SEMA3A: variants seen among roughly 807,000 people sequenced by gnomAD.
SEMA3A encodes semaphorin-3A.
Under a neutral mutation model 97.9 loss-of-function variants are expected in SEMA3A, and 29 were observed. The ratio of observed to expected loss-of-function variants is 0.30; its 90% CI spans 0.22 to 0.40. The LOEUF (loss-of-function observed/expected upper bound fraction) is 0.40, where lower values mean the gene tolerates loss of function less well. SEMA3A is among the 10% of genes least tolerant of loss of function. The probability of loss-of-function intolerance (pLI) is 1.00; values close to 1 mark genes in which losing one functional copy is unlikely to be tolerated. For missense variants in SEMA3A, 763 were observed against 951.3 expected (o/e 0.80, Z 2.60); for synonymous variants, 321 against 323.7 (o/e 0.99, Z 0.09).
intron 2 of SEMA3A, among the ~76,000 whole-genome samples, chr7:84,360,101 A>ACG (rs1802676111): frequency 6.6e-6 from 1 of 151,506 alleles, no homozygotes; most frequent in African/African-American, 2.4e-5. Context: ...TCCTGGTTTC[A>ACG]TTGATTTTTT....
At chr7:84,186,871 C>T (rs1017969155) in intron 1 of SEMA3A, among the ~76,000 whole-genome samples, 2 of 152,140 alleles carry the variant, frequency 1.3e-5, no homozygotes, top group African/African-American at 4.8e-5. Flanking sequence ...CTCTCCCACC[C>T]TCTCAATCAG....
chr7:84,196,379 CTCTG>C (rs1185300304), upstream of SEMA3A, among the ~76,000 whole-genome samples: 40 of 146,238 alleles, frequency 2.7e-4, no homozygotes, highest in Admixed American at 1.1e-3. Context: ...CTCTCTCTCT[CTCTG>C]TCTCTCCCTC....
intron 1 of SEMA3A, among the ~76,000 whole-genome samples, chr7:84,142,257 C>T (rs529373240): frequency 6.6e-6 from 1 of 152,068 alleles, no homozygotes; most frequent in Non-Finnish European, 1.5e-5. Context: ...AACACGTAGA[C>T]CTTGGCTAAA....
chr7:84,408,957 T>A (rs1804184996), intron 1 of SEMA3A, among the ~76,000 whole-genome samples: 1 of 151,666 alleles, frequency 6.6e-6, no homozygotes, highest in African/African-American at 2.4e-5. Flanking sequence ...TGACAAGTTA[T>A]TGGGTGCAGC....
At position 84,007,405 on chromosome 7, in the gene SEMA3A, T is replaced by C. The variant is rs183648780; in HGVS notation, c.1088A>G (p.Asn363Ser). The change falls in exon 10 of 17, where the codon AAC becomes AGC. Residue 363 changes from asparagine (N) to serine (S), a missense_variant. By Grantham distance (46) the Asn-to-Ser change is conservative. This residue lies in a region of SEMA3A where 678 missense variants were observed against 881.3 expected (regional missense o/e 0.77). Transcript: ENST00000265362. Reference protein sequence around the residue: ...LGPYAHRDGPNYQWVPYQGRV... With the variant: ...LGPYAHRDGPSYQWVPYQGRV... Reference sequence around the variant, plus strand: ...TCCTTGATAAGGCACCCATTGATAGTTGGGTCCATCCCTGTGGGCATATGG... The same window carrying C: ...TCCTTGATAAGGCACCCATTGATAGCTGGGTCCATCCCTGTGGGCATATGG... 6.2e-7 allele frequency: 1 copy of C among 1,609,982 alleles called. No individual in the cohort carries two copies. The highest frequency in any genetic ancestry group is 2.2e-5 in the East Asian group (1 of 44,532).
chr7:84,246,484 A>G (rs1799479672), intron 3 of SEMA3A, among the ~76,000 whole-genome samples: 1 of 152,212 alleles, frequency 6.6e-6, no homozygotes, highest in Non-Finnish European at 1.5e-5. Context: ...AAAAATGACT[A>G]ACACCCCCAA....
intron 4 of SEMA3A, among the ~76,000 whole-genome samples, chr7:84,071,771 G>T (rs1468562804): frequency 6.6e-6 from 1 of 151,950 alleles, no homozygotes; most frequent in African/African-American, 2.4e-5. Flanking sequence ...TTTTTTTAAA[G>T]GTGAGGGACA....
At chr7:84,318,725 C>T (rs1159187166) in intron 2 of SEMA3A, among the ~76,000 whole-genome samples, 1 of 152,090 alleles carries the variant, frequency 6.6e-6, no homozygotes, top group Non-Finnish European at 1.5e-5. Context: ...TAATATTTTT[C>T]AACAGCCACT....
rs574657662 is a variant in SEMA3A at position 83,987,677 on chromosome 7, C to A, written c.1453-2200G>T. Among the ~76,000 whole-genome samples the A allele has an allele frequency of 8.5e-5, 13 of 152,266 alleles. No homozygotes were observed. The East Asian group carries it at 2.5e-3, about 29-fold the overall frequency. ...ATATTTGCATGAATGAATAAATGAA[C>A]GAATTCTTTACCAATGTTCCTCTTT... is the stretch of plus-strand genomic sequence containing the variant. On this transcript the variant is annotated intron_variant, in intron 12 of 16. Coordinates refer to ENST00000265362, the MANE Select transcript of SEMA3A (RefSeq NM_006080.3).
At chr7:83,991,367 G>A (rs1380374561) in intron 12 of SEMA3A, among the ~76,000 whole-genome samples, 2 of 151,858 alleles carry the variant, frequency 1.3e-5, no homozygotes, top group Admixed American at 6.6e-5. Flanking sequence ...TTGAATAGGA[G>A]TGGTGAGAGA....
At chr7:84,252,636 A>C (rs1164761319) in intron 3 of SEMA3A, among the ~76,000 whole-genome samples, 1 of 152,212 alleles carries the variant, frequency 6.6e-6, no homozygotes, top group Non-Finnish European at 1.5e-5. Flanking sequence ...ATTGTTACCT[A>C]TACAGTCATT....
At chr7:84,087,598 C>T (rs1245217321) in intron 4 of SEMA3A, among the ~76,000 whole-genome samples, 1 of 152,086 alleles carries the variant, frequency 6.6e-6, no homozygotes, top group East Asian at 1.9e-4. Flanking sequence ...GCTGATTGAA[C>T]TTGGGGACTG....
intron 3 of SEMA3A, among the ~76,000 whole-genome samples, chr7:84,235,771 C>T (rs992280629): frequency 6.6e-6 from 1 of 152,048 alleles, no homozygotes; most frequent in Non-Finnish European, 1.5e-5. Flanking sequence ...ACAAAGAGAA[C>T]TCTAACATGG....
intron 1 of SEMA3A, among the ~76,000 whole-genome samples, chr7:84,167,654 A>C (rs1472471033): frequency 6.6e-6 from 1 of 152,162 alleles, no homozygotes; most frequent in Non-Finnish European, 1.5e-5. Context: ...GGTGTTAATA[A>C]AATAAGACAA....
At chr7:83,985,605 T>A (rs983567797) in intron 12 of SEMA3A, 128 bp from the exon 13 acceptor site, 2 of 733,600 alleles carry the variant, frequency 2.7e-6, no homozygotes, top group East Asian at 5.0e-5. Flanking sequence ...GCAATGTGAC[T>A]GGGAAATAAG....
intron 2 of SEMA3A, among the ~76,000 whole-genome samples, chr7:84,326,867 C>A (rs1244496034): frequency 1.3e-5 from 2 of 151,864 alleles, no homozygotes; most frequent in African/African-American, 4.8e-5. Context: ...CTATAAAAAT[C>A]CTGGAAGACA....
chr7:83,972,917 A>G (rs771281344), intron 15 of SEMA3A, among the ~76,000 whole-genome samples: 4 of 152,160 alleles, frequency 2.6e-5, no homozygotes, highest in Non-Finnish European at 5.9e-5. Context: ...ATCTCCAGTG[A>G]AAATATTCAA....
chr7:84,248,544 C>G (rs1334474090), intron 3 of SEMA3A, among the ~76,000 whole-genome samples: 9 of 152,118 alleles, frequency 5.9e-5, no homozygotes, highest in Non-Finnish European at 1.3e-4. Context: ...ATTTATGTTC[C>G]TCTACAATAT....
intron 3 of SEMA3A, among the ~76,000 whole-genome samples, chr7:84,245,019 A>AT (rs1799448166): frequency 6.6e-6 from 1 of 151,536 alleles, no homozygotes; most frequent in African/African-American, 2.4e-5. Flanking sequence ...TTCCCTTACC[A>AT]TTTTTTTCCT....
Sources: allele counts gnomAD v4.1 joint callset (sites outside exome capture counted in the v4.1 genomes callset), GRCh38; gene constraint gnomAD v4.1.1; regional missense constraint gnomAD v4.1.1; transcripts MANE v1.5; gene names NCBI Gene and HGNC (gene_info 2026-07-23, HGNC 2026-07-21).